The following TNRC6B variants were observed in gnomAD, a reference collection of about 807,000 sequenced individuals.
TNRC6B encodes the protein trinucleotide repeat-containing gene 6B protein.
A neutral mutation model predicts 203.6 loss-of-function variants in TNRC6B; 52 were observed. The observed-to-expected ratio is 0.26, with a 90% CI of 0.20 to 0.32. The LOEUF is 0.32. TNRC6B is among the 10% of genes least tolerant of loss of function. The pLI, the probability that TNRC6B is intolerant of heterozygous loss-of-function variation, is 1.00. For missense variants in TNRC6B, 1,923 were observed against 2,286.2 expected (o/e 0.84, Z 3.24); for synonymous variants, 838 against 845.7 (o/e 0.99, Z 0.16).
chr22:40,077,520 A>G (rs924841606), intron 1 of TNRC6B, among the ~76,000 whole-genome samples: 18 of 152,144 alleles, frequency 1.2e-4, no homozygotes, highest in African/African-American at 4.3e-4. Context: ...AGTAACCATT[A>G]AAATTTTTAT....
chr22:40,317,658 T>G (rs1045600716), intron 21 of TNRC6B, among the ~76,000 whole-genome samples: 3 of 151,808 alleles, frequency 2.0e-5, no homozygotes, highest in Admixed American at 2.0e-4. Context: ...TACTATAATT[T>G]GCTCTCATCA....
intron 6 of TNRC6B, among the ~76,000 whole-genome samples, chr22:40,272,788 A>C (rs2070582187): frequency 6.6e-6 from 1 of 152,184 alleles, no homozygotes; most frequent in African/African-American, 2.4e-5. Flanking sequence ...CAAAACCACT[A>C]CGTATAAATT....
chr22:40,105,380 T>C (rs1015521970), intron 1 of TNRC6B, among the ~76,000 whole-genome samples: 2 of 152,138 alleles, frequency 1.3e-5, no homozygotes, highest in Non-Finnish European at 2.9e-5. Flanking sequence ...GGTTAAGAAA[T>C]AGAACATTAT....
intron 17 of TNRC6B, 88 bp from the exon 18 acceptor site, chr22:40,312,417 C>G (rs2071196876): frequency 7.6e-7 from 1 of 1,311,448 alleles, no homozygotes; most frequent in Non-Finnish European, 1.0e-6. Context: ...TTATACTTTT[C>G]ACAGACCCAT....
At chr22:40,321,384 A>C in intron 22 of TNRC6B, 155 bp downstream of exon 22, 1 of 890,392 alleles carries the variant, frequency 1.1e-6, no homozygotes. Flanking sequence ...GAGAGTGTGG[A>C]GGTGCCGGGT....
At chr22:40,257,056 A>T (rs563573812) in intron 3 of TNRC6B, among the ~76,000 whole-genome samples, 2 of 152,290 alleles carry the variant, frequency 1.3e-5, no homozygotes, top group Admixed American at 1.3e-4. Context: ...GTACACATTG[A>T]CCGCTCACTG....
chr22:40,106,887 C>T, intron 1 of TNRC6B: 2 of 973,598 alleles, frequency 2.1e-6, no homozygotes, highest in African/African-American at 3.2e-5. Context: ...TGCCTATGTT[C>T]CTTGTGACAG....
intron 15 of TNRC6B, among the ~76,000 whole-genome samples, chr22:40,306,327 C>T (rs1412592456): frequency 6.6e-6 from 1 of 152,136 alleles, no homozygotes; most frequent in Non-Finnish European, 1.5e-5. Context: ...AAATTTAATT[C>T]ACTATGGGTT....
chr22:40,270,041 G>C (rs1024184334), intron 5 of TNRC6B, 81 bp from the exon 6 acceptor site: 1 of 1,410,720 alleles, frequency 7.1e-7, no homozygotes, highest in African/African-American at 1.4e-5. Flanking sequence ...AGGCATGCCT[G>C]TTCCTTCCAC....
At chr22:40,307,388 C>T (rs953807052) in intron 15 of TNRC6B, among the ~76,000 whole-genome samples, 10 of 152,210 alleles carry the variant, frequency 6.6e-5, no homozygotes, top group South Asian at 6.2e-4. Flanking sequence ...GGGATGCCTG[C>T]GCTCGTGCTG....
chr22:40,098,646 T>C (rs1420877967), intron 1 of TNRC6B, among the ~76,000 whole-genome samples: 1 of 152,176 alleles, frequency 6.6e-6, no homozygotes, highest in African/African-American at 2.4e-5. Flanking sequence ...ATCATGCTTT[T>C]AGGAATGTCT....
intron 1 of TNRC6B, among the ~76,000 whole-genome samples, chr22:40,058,506 G>C (rs910494767): frequency 2.6e-4 from 40 of 151,310 alleles, no homozygotes; most frequent in African/African-American, 9.1e-4. Flanking sequence ...CTCAACCGAT[G>C]CAGCACGTTA....
intron 3 of TNRC6B, among the ~76,000 whole-genome samples, chr22:40,256,423 C>A (rs2146485657): frequency 6.6e-6 from 1 of 152,282 alleles, no homozygotes; most frequent in Middle Eastern, 3.4e-3. Context: ...GCCAGGATTG[C>A]CATTATGGCC....
At chr22:40,305,559 C>A (rs551883415) in intron 15 of TNRC6B, among the ~76,000 whole-genome samples, 2 of 152,338 alleles carry the variant, frequency 1.3e-5, no homozygotes, top group Non-Finnish European at 2.9e-5. Flanking sequence ...CAGACACATT[C>A]CATATCCTAG....
At chr22:40,139,922 A>G (rs770256810) in intron 3 of TNRC6B, among the ~76,000 whole-genome samples, 1 of 152,156 alleles carries the variant, frequency 6.6e-6, no homozygotes, top group Non-Finnish European at 1.5e-5. Context: ...TGTCTGCATC[A>G]TCACCAATAC....
At chr22:40,279,411 G>C (rs1359139748) in intron 9 of TNRC6B, among the ~76,000 whole-genome samples, 3 of 152,230 alleles carry the variant, frequency 2.0e-5, no homozygotes, top group Non-Finnish European at 4.4e-5. Context: ...CACATTTATA[G>C]AGTTGTGAAA....
intron 1 of TNRC6B, among the ~76,000 whole-genome samples, chr22:40,219,275 A>C (rs1241492729): frequency 6.6e-6 from 1 of 152,192 alleles, no homozygotes. Flanking sequence ...AGAACGAGTA[A>C]GTGCTCCATG....
rs548838763 is a variant in TNRC6B, at chr22:40,137,415, G to T, written c.45+11553G>T. Among the ~76,000 whole-genome samples, 3 of 152,308 alleles carry T rather than the reference G, an allele frequency of 2.0e-5. No individual in the cohort carries two copies. In the East Asian group the frequency reaches 5.8e-4, roughly 29 times the overall value. ...CATCCTGGACAAGTTACACGGCAGA[G>T]TAATCAGCTGTTTCCTTATGTCAGA... On this transcript the variant is annotated intron_variant, in intron 3 of 23. Coordinates refer to the TNRC6B transcript ENST00000301923.
intron 3 of TNRC6B, among the ~76,000 whole-genome samples, chr22:40,255,000 T>G (rs1474717307): frequency 6.6e-6 from 1 of 152,164 alleles, no homozygotes; most frequent in East Asian, 1.9e-4. Context: ...CCATGGACCT[T>G]GTGGAGTTCG....
Sources: gnomAD v4.1 joint callset for allele counts (sites outside exome capture counted in the v4.1 genomes callset) on GRCh38, gnomAD v4.1.1 for gene constraint, MANE v1.5 for transcripts, NCBI Gene and HGNC (gene_info 2026-07-23, HGNC 2026-07-21) for gene names.